Variants in NUP35 observed in about 807,000 individuals in gnomAD.
NUP35 encodes the protein nucleoporin 35.
Under a neutral mutation model 41.5 loss-of-function variants are expected in NUP35, and 25 were observed. The ratio of observed to expected loss-of-function variants is 0.60; its 90% CI spans 0.44 to 0.84. The LOEUF is 0.84. Among genes scored for constraint, NUP35 ranks in the 40% least tolerant of loss-of-function variants. The probability of loss-of-function intolerance (pLI) is 0.00; values close to 1 mark genes in which losing one functional copy is unlikely to be tolerated. For missense variants in NUP35, 396 were observed against 396.6 expected (o/e 1.00, Z 0.01); for synonymous variants, 149 against 130.7 (o/e 1.14, Z -0.96).
upstream of NUP35, chr2:183,123,922 G>A (rs988855770): frequency 5.6e-6 from 3 of 534,924 alleles, no homozygotes; most frequent in African/African-American, 4.1e-5. Flanking sequence ...CGGCGTATGA[G>A]TTACGCTTTA....
intron 3 of NUP35, among the ~76,000 whole-genome samples, chr2:183,133,360 T>C (rs1319822568): frequency 6.6e-6 from 1 of 151,860 alleles, no homozygotes; most frequent in Non-Finnish European, 1.5e-5. Flanking sequence ...ACTTTTCTTA[T>C]TTTAAACAAA....
At chr2:183,123,806 C>T, upstream of NUP35, 1 of 985,230 alleles carries the variant, frequency 1.0e-6, no homozygotes, top group Non-Finnish European at 1.2e-6. Context: ...CGCAAGATTC[C>T]GCGGTGTGGA....
At chr2:183,157,697 T>C (rs1178857548) in intron 6 of NUP35, among the ~76,000 whole-genome samples, 184 bp downstream of exon 6, 1 of 152,066 alleles carries the variant, frequency 6.6e-6, no homozygotes, top group South Asian at 2.1e-4. Context: ...AAAAGAGATA[T>C]AGTGAGAAGA....
At chr2:183,142,159 T>C (rs909365954) in intron 4 of NUP35, among the ~76,000 whole-genome samples, 1 of 152,226 alleles carries the variant, frequency 6.6e-6, no homozygotes, top group Non-Finnish European at 1.5e-5. Context: ...TTTCTATGGT[T>C]GGTATTCTCA....
chr2:183,131,508 A>G (rs1210128960), intron 3 of NUP35, among the ~76,000 whole-genome samples: 1 of 152,218 alleles, frequency 6.6e-6, no homozygotes, highest in Non-Finnish European at 1.5e-5. Context: ...TGTCTGGCAT[A>G]CTAGGCTTAC....
intron 5 of NUP35, 145 bp downstream of exon 5, chr2:183,151,794 A>T: frequency 1.5e-6 from 1 of 673,868 alleles, no homozygotes; most frequent in South Asian, 2.2e-5. Context: ...ACAGTTTGCT[A>T]CATTTGCTTT....
At chr2:183,152,971 G>A (rs1685521383) in intron 5 of NUP35, among the ~76,000 whole-genome samples, 1 of 152,164 alleles carries the variant, frequency 6.6e-6, no homozygotes, top group Non-Finnish European at 1.5e-5. Context: ...TGGACTTAGG[G>A]TTCCATGGCT....
At chr2:183,160,011 G>T in intron 8 of NUP35, 1 of 175,828 alleles carries the variant, frequency 5.7e-6, no homozygotes, top group Non-Finnish European at 1.2e-5. Flanking sequence ...TATCCAAAGT[G>T]CAGAACCTTA....
rs1441118562 is a variant in NUP35 at position 183,161,293 on chromosome 2, G to T, written c.*162G>T. 8.8e-6 allele frequency: 4 copies of T among 456,850 alleles called. No homozygotes were observed. The highest frequency in any genetic ancestry group is 5.7e-5 in the South Asian group (1 of 17,690). 28.3% of individuals were successfully genotyped at this position (456,850 alleles called of 1,614,324 possible). ...TAAGGATACAACCTATTTGTAGCTC[G>T]CACTTTAAAAGATGCTTGAGATACA... On this transcript the variant is annotated 3_prime_UTR_variant, in exon 9 of 9. Transcript: ENST00000295119.
chr2:183,123,973 G>A (rs530388831), upstream of NUP35: 14 of 306,388 alleles, frequency 4.6e-5, no homozygotes, highest in South Asian at 1.5e-3. Context: ...AAAAGAAATG[G>A]CATACGGATA....
chr2:183,135,057 C>G (rs988959127), intron 4 of NUP35, among the ~76,000 whole-genome samples: 1 of 152,158 alleles, frequency 6.6e-6, no homozygotes, highest in Non-Finnish European at 1.5e-5. Flanking sequence ...TCATATCTCC[C>G]TCTCTCTTTT....
intron 3 of NUP35, among the ~76,000 whole-genome samples, chr2:183,132,726 A>G (rs1202644180): frequency 1.3e-5 from 2 of 152,190 alleles, no homozygotes; most frequent in African/African-American, 2.4e-5. Context: ...TTTATAGAGA[A>G]TGTTTTTGAT....
chr2:183,129,301 T>C (rs1364164348), intron 2 of NUP35, among the ~76,000 whole-genome samples: 3 of 152,202 alleles, frequency 2.0e-5, no homozygotes, highest in Admixed American at 2.0e-4. Flanking sequence ...AGAACTCCTT[T>C]AGCAAAGAAA....
rs1685298358 is a variant in NUP35 at position 183,146,845 on chromosome 2, C to T, written c.398-4663C>T. ...CTCGTGACCTCAGGTGATCCAAACG[C>T]CTTGGCCTCCCAAAGTGCTAGGATT... On this transcript the variant is annotated intron_variant, in intron 4 of 8. Coordinates refer to ENST00000295119, the MANE Select transcript of NUP35 (RefSeq NM_138285.5). 3.3e-5 allele frequency among the ~76,000 whole-genome samples: 5 copies of T among 152,260 alleles called. No individual in the cohort carries two copies. The South Asian group carries it at 8.3e-4, about 25-fold the overall frequency.
rs572964193 is a variant in NUP35 at position 183,157,433 on chromosome 2, CTTT to C, written c.540-6_540-4del. 1 of 1,601,842 alleles carries C rather than the reference CTTT, an allele frequency of 6.2e-7. No individual in the cohort carries two copies. Among genetic ancestry groups the C allele is most frequent in the Non-Finnish European group, 8.6e-7 (1 of 1,169,370 alleles). On this transcript the variant is annotated splice_polypyrimidine_tract_variant and splice_region_variant and intron_variant, in intron 5 of 8. Coordinates refer to ENST00000295119, the MANE Select transcript of NUP35 (RefSeq NM_138285.5). ...AAGCTGACGTTTTCTTTGGACAACT[CTTT>C]TTTTCAGGTTTCCTCAAGCATCTGC...
rs752232161 is a variant in NUP35 at position 183,133,584 on chromosome 2, C to T, written c.358C>T (p.Gln120Ter). The part of the protein sequence containing the change: ...SRRQPNISVM[Q>*]SPLVGVTSTP... ...TGTGTAGCCAAACATTTCAGTAATG[C>T]AGAGTCCTCTTGTTGGAGTTACATC... Residue 120 changes from glutamine to a stop codon, truncating the protein, a stop_gained, in exon 4 of 9, where the codon CAG (glutamine) becomes TAG (stop). Transcript: ENST00000295119. LOFTEE classifies it high-confidence loss of function. 2.5e-6 allele frequency: 4 copies of T among 1,601,646 alleles called. No individual in the cohort carries two copies.
chr2:183,128,072 A>AG lies in NUP35; in HGVS notation c.41-214dup, dbSNP rs556615469. ...TGGTGACAGAGTGAGACTCGGACTC[A>AG]GAAAAAAAAAAAAAGTGAATACAAG... On this transcript the variant is annotated intron_variant, in intron 1 of 8. Transcript: ENST00000295119. Among the ~76,000 whole-genome samples the AG allele has an allele frequency of 2.6e-3, 360 of 139,336 alleles. 3 individuals carry two copies. The highest frequency in any genetic ancestry group is 9.4e-3 in the African/African-American group (343 of 36,374). 91.4% of individuals were successfully genotyped at this position (139,336 alleles called of 152,430 possible). A position where few individuals can be genotyped will look rare whatever the true frequency, so the allele number is the denominator to read the frequency against.
chr2:183,122,216 A>G (rs1700078778), upstream of NUP35, among the ~76,000 whole-genome samples: 1 of 151,766 alleles, frequency 6.6e-6, no homozygotes, highest in Non-Finnish European at 1.5e-5. Flanking sequence ...AGCTGGGATT[A>G]CAGGCATGTG....
chr2:183,121,297 G>A (rs1216946314), upstream of NUP35, among the ~76,000 whole-genome samples: 1 of 152,008 alleles, frequency 6.6e-6, no homozygotes, highest in Non-Finnish European at 1.5e-5. Context: ...AAATAGTAAA[G>A]ATAGGGAAAC....
Sources: gnomAD v4.1 joint callset for allele counts (sites outside exome capture counted in the v4.1 genomes callset) on GRCh38, gnomAD v4.1.1 for gene constraint, MANE v1.5 for transcripts, NCBI Gene and HGNC (gene_info 2026-07-23, HGNC 2026-07-21) for gene names.